Variants in CADM4 observed in about 807,000 individuals in gnomAD.
CADM4 encodes TSLC1-like 2.
A neutral mutation model predicts 43.9 loss-of-function variants in CADM4; 13 were observed. That is an observed-to-expected ratio of 0.30 (90% CI 0.19 to 0.47). The LOEUF (loss-of-function observed/expected upper bound fraction) is 0.47, where lower values mean the gene tolerates loss of function less well. CADM4 is among the 20% of genes least tolerant of loss of function. CADM4 has a pLI of 1.00. For synonymous variants in CADM4, 209 were observed against 220.9 expected (o/e 0.95, Z 0.48); for missense variants, 420 against 527.0 (o/e 0.80, Z 1.99).
In CADM4 at chr19:43,639,819, G is replaced by A. The variant is rs1310483319; in HGVS notation, c.-29C>T. On this transcript the variant is annotated 5_prime_UTR_variant, in exon 1 of 9. Coordinates refer to ENST00000222374, the MANE Select transcript of CADM4 (RefSeq NM_145296.2). Reference sequence around the variant, plus strand: ...GCCGCCGCCGCCGCCGCCGCCGCTCGCTCCCGGCCCGGCACCTGCACCGCC... The same window carrying A: ...GCCGCCGCCGCCGCCGCCGCCGCTCACTCCCGGCCCGGCACCTGCACCGCC... The A allele has an allele frequency of 1.0e-6, 1 of 992,924 alleles. No homozygotes were observed. The highest frequency in any genetic ancestry group is 1.2e-6 in the Non-Finnish European group (1 of 839,460). The allele number at this position is 992,924 out of a possible 1,614,324, so 61.5% of individuals were successfully genotyped here.
Position 43,623,969 on chromosome 19 carries a change from C to G in CADM4, c.1057+145G>C, listed in dbSNP as rs1973481369. On this transcript the variant is annotated intron_variant, in intron 8 of 8. Transcript: ENST00000222374. The surrounding 1 kb of genome is among the most constrained non-coding windows in gnomAD (Gnocchi z 4.4). ...TCGAGTATTGTGCCGAAAGCCCCGC[C>G]CCCTTTGTCATCTCCGCCCCCGGTG... 28 of 961,166 alleles carry G rather than the reference C, an allele frequency of 2.9e-5. No individual in the cohort carries two copies. The South Asian group carries it at 4.4e-4, about 15-fold the overall frequency. The allele number at this position is 961,166 out of a possible 1,614,324, so 59.5% of individuals were successfully genotyped here.
rs553822101 is a variant in CADM4 at position 43,633,494 on chromosome 19, C to G, written c.65-5704G>C. The stretch of plus-strand genomic sequence containing the variant: ...TTGTCACCCATGACTGGAATGTATA[C>G]TCTAGGAAGGCAGGGATATAATCCA... On this transcript the variant is annotated intron_variant, in intron 1 of 8. Coordinates refer to ENST00000222374, the MANE Select transcript of CADM4 (RefSeq NM_145296.2). Among the ~76,000 whole-genome samples, 10 of 152,310 alleles carry G rather than the reference C, an allele frequency of 6.6e-5. No individual in the cohort carries two copies. In the South Asian group the frequency reaches 2.1e-3, roughly 32 times the overall value.
At chr19:43,634,207 C>T (rs886575795) in intron 1 of CADM4, among the ~76,000 whole-genome samples, 33 of 152,324 alleles carry the variant, frequency 2.2e-4, no homozygotes, top group Admixed American at 1.6e-3. Flanking sequence ...GCTCAGGGAG[C>T]CCTCTCTGCA....
chr19:43,630,530 C>T (rs796093310), intron 1 of CADM4, among the ~76,000 whole-genome samples: 9 of 146,874 alleles, frequency 6.1e-5, no homozygotes, highest in Admixed American at 2.0e-4. Flanking sequence ...GTGATCCACC[C>T]GCCTCGGCCT....
chr19:43,625,005 C>T lies in CADM4; in HGVS notation c.928+73G>A, dbSNP rs1346691748. 1.1e-5 allele frequency: 16 copies of T among 1,438,716 alleles called. No individual in the cohort carries two copies. The highest frequency in any genetic ancestry group is 1.5e-5 in the Non-Finnish European group (16 of 1,072,150). 89.1% of individuals were successfully genotyped at this position (1,438,716 alleles called of 1,614,324 possible). A position where few individuals can be genotyped will look rare whatever the true frequency, so the allele number is the denominator to read the frequency against. The stretch of plus-strand genomic sequence containing the variant: ...CTGCCGAACCCCTGAGTTATGTGGC[C>T]TCTTTGCTCAAGCCCCGCCCCCGCC... On this transcript the variant is annotated intron_variant, in intron 7 of 8. Transcript: ENST00000222374. The surrounding 1 kb of genome is among the most constrained non-coding windows in gnomAD (Gnocchi z 4.5).
Position 43,625,041 on chromosome 19 carries a change from C to A in CADM4, c.928+37G>T. 1 of 1,383,266 alleles carries A rather than the reference C, an allele frequency of 7.2e-7. No homozygotes were observed. Among genetic ancestry groups the A allele is most frequent in the East Asian group, 2.9e-5 (1 of 34,216 alleles). The allele number at this position is 1,383,266 out of a possible 1,614,324, so 85.7% of individuals were successfully genotyped here. ...AGCCCCGCCCCCGCCACCTGGCGCC[C>A]CGCCCCCGCCCTCAGTCGGCCGCAG... On this transcript the variant is annotated intron_variant, in intron 7 of 8. Coordinates refer to ENST00000222374, the MANE Select transcript of CADM4 (RefSeq NM_145296.2). The surrounding 1 kb of genome is among the most constrained non-coding windows in gnomAD (Gnocchi z 4.5).
At chr19:43,633,803 A>C (rs114824345) in intron 1 of CADM4, among the ~76,000 whole-genome samples, 1,708 of 151,440 alleles carry the variant, frequency 0.011, 30 homozygotes, top group African/African-American at 0.037. Context: ...ACCTCAGGCT[A>C]CCAAATAGCT....
upstream of CADM4, among the ~76,000 whole-genome samples, chr19:43,640,716 A>G (rs1468754882): frequency 6.6e-6 from 1 of 151,218 alleles, no homozygotes; most frequent in East Asian, 2.0e-4. Flanking sequence ...CTCTGCATGT[A>G]TTTGCCTCTG....
Position 43,626,311 on chromosome 19 carries a change from T to A in CADM4, c.500-23A>T, listed in dbSNP as rs746555840. ...CTCCTGCCACACCCCGGTCAGACAC[T>A]GTCAGGCCACAATTCCGGCTCCATC... On this transcript the variant is annotated intron_variant, in intron 4 of 8. Transcript: ENST00000222374. The surrounding 1 kb of genome is among the most constrained non-coding windows in gnomAD (Gnocchi z 5.9). The A allele has an allele frequency of 9.3e-6, 15 of 1,605,050 alleles. No homozygotes were observed. The highest frequency in any genetic ancestry group is 2.7e-5 in the African/African-American group (2 of 74,794).
chr19:43,628,689 G>C (rs1973571098), intron 1 of CADM4, among the ~76,000 whole-genome samples: 2 of 152,350 alleles, frequency 1.3e-5, no homozygotes, highest in South Asian at 4.1e-4. Flanking sequence ...GAATTTGCTA[G>C]AAGTGATATT....
chr19:43,631,007 C>T (rs1973614808), intron 1 of CADM4, among the ~76,000 whole-genome samples: 1 of 152,116 alleles, frequency 6.6e-6, no homozygotes, highest in African/African-American at 2.4e-5. Context: ...GGTCCCTGCC[C>T]TTTAAGATTT....
Position 43,626,538 on chromosome 19 carries a change from T to TTA in CADM4, c.499+244_499+245dup, listed in dbSNP as rs1255687794. 6.6e-6 allele frequency among the ~76,000 whole-genome samples: 1 copy of TTA among 152,050 alleles called. No individual in the cohort carries two copies. Among genetic ancestry groups the TTA allele is most frequent in the Non-Finnish European group, 1.5e-5 (1 of 68,024 alleles). On this transcript the variant is annotated intron_variant, in intron 4 of 8. Transcript: ENST00000222374. The surrounding 1 kb of genome is among the most constrained non-coding windows in gnomAD (Gnocchi z 5.9). ...TTGCTATATATATAAAAACATAAAT[T>TTA]TATATATATACTTAGAGACAGGGTC...
rs1444321583 is a variant in CADM4 at position 43,639,808 on chromosome 19, C to T, written c.-18G>A. On this transcript the variant is annotated 5_prime_UTR_variant, in exon 1 of 9. Transcript: ENST00000222374. Reference sequence around the variant, plus strand: ...CGGCCCATGGTGCCGCCGCCGCCGCCGCCGCCGCTCGCTCCCGGCCCGGCA... The same window carrying T: ...CGGCCCATGGTGCCGCCGCCGCCGCTGCCGCCGCTCGCTCCCGGCCCGGCA... 3 of 1,000,048 alleles carry T rather than the reference C, an allele frequency of 3.0e-6. No homozygotes were observed. Among genetic ancestry groups the T allele is most frequent in the Non-Finnish European group, 3.6e-6 (3 of 843,726 alleles). The allele number at this position is 1,000,048 out of a possible 1,614,324, so 61.9% of individuals were successfully genotyped here. A position where few individuals can be genotyped will look rare whatever the true frequency, so the allele number is the denominator to read the frequency against.
chr19:43,636,186 G>T (rs1187160845), intron 1 of CADM4, among the ~76,000 whole-genome samples: 2 of 152,104 alleles, frequency 1.3e-5, no homozygotes, highest in Admixed American at 6.5e-5. Context: ...GGCATCAGGT[G>T]GGGGCGTAGG....
intron 7 of CADM4, 158 bp downstream of exon 7, chr19:43,624,920 C>T (rs1973496581): frequency 1.3e-6 from 1 of 744,844 alleles, no homozygotes; most frequent in South Asian, 1.9e-5. Flanking sequence ...TAGAATGCAG[C>T]CAACCCGAAT....
Position 43,627,141 on chromosome 19 carries a change from C to A in CADM4, c.364+25G>T. 6.5e-7 allele frequency: 1 copy of A among 1,537,324 alleles called. No individual in the cohort carries two copies. Among genetic ancestry groups the A allele is most frequent in the Non-Finnish European group, 8.8e-7 (1 of 1,138,266 alleles). On this transcript the variant is annotated intron_variant, in intron 3 of 8. Transcript: ENST00000222374. This position sits in a 1 kb window ranked among gnomAD's most constrained non-coding sequence, Gnocchi z 4.0. The stretch of plus-strand genomic sequence containing the variant: ...GCAGAGAAGAAAGGAGGAGAGGATG[C>A]GTCTGACAAGGGGGAGGGCGTTACC...
rs776596557 is a variant in CADM4, at chr19:43,625,868, C to T, written c.755+43G>A. On this transcript the variant is annotated intron_variant, in intron 6 of 8. Coordinates refer to ENST00000222374, the MANE Select transcript of CADM4 (RefSeq NM_145296.2). This position sits in a 1 kb window ranked among gnomAD's most constrained non-coding sequence, Gnocchi z 4.5. ...CCTGGTCCCTGTTCTTCCAGGTCCC[C>T]AGCTTTCTCCTCCTGAGGACGCAGG... 4.5e-6 allele frequency: 7 copies of T among 1,556,190 alleles called. No homozygotes were observed.
At position 43,622,605 on chromosome 19, in the gene CADM4, C is replaced by G; in HGVS notation, c.*725G>C. 6.6e-6 allele frequency: 1 copy of G among 152,576 alleles called. No homozygotes were observed. 9.5% of individuals were successfully genotyped at this position (152,576 alleles called of 1,614,324 possible). A position where few individuals can be genotyped will look rare whatever the true frequency, so the allele number is the denominator to read the frequency against. ...AACCATGAAGACCACGAATCCTCCC[C>G]AAACTCCTTTCCCCCTCCCCGGGGG... On this transcript the variant is annotated 3_prime_UTR_variant, in exon 9 of 9. Transcript: ENST00000222374.
intron 1 of CADM4, among the ~76,000 whole-genome samples, chr19:43,630,052 C>T (rs1240503082): frequency 4.6e-5 from 7 of 151,820 alleles, no homozygotes; most frequent in Admixed American, 2.0e-4. Context: ...ACTACAGGTG[C>T]ACAACATCAC....
Sources: gnomAD v4.1 joint callset for allele counts (sites outside exome capture counted in the v4.1 genomes callset) on GRCh38, gnomAD v4.1.1 for gene constraint, Gnocchi (gnomAD v3.1) non-coding constraint, MANE v1.5 for transcripts, NCBI Gene and HGNC (gene_info 2026-07-23, HGNC 2026-07-21) for gene names.